Variants in CFTR observed in about 807,000 individuals in gnomAD.
CFTR encodes CF transmembrane conductance regulator.
A neutral mutation model predicts 171.6 loss-of-function variants in CFTR; 181 were observed. That is an observed-to-expected ratio of 1.05 (90% CI 0.93 to 1.19). CFTR has a LOEUF of 1.19. Ranked by LOEUF, CFTR falls within the 50% of genes most tolerant of loss-of-function variation. The pLI, the probability that CFTR is intolerant of heterozygous loss-of-function variation, is 0.00. For synonymous variants in CFTR, 583 were observed against 608.0 expected, an observed-to-expected ratio of 0.96 and a Z score of 0.60; for missense variants, 1,968 against 1,734.7, an observed-to-expected ratio of 1.13 and a Z score of -2.39.
At chr7:117,560,112 A>G (rs1799437750) in intron 11 of CFTR, among the ~76,000 whole-genome samples, 1 of 152,160 alleles carries the variant, frequency 6.6e-6, no homozygotes, top group South Asian at 2.1e-4. Context: ...CTGCCAGCAG[A>G]GAATTAGAGG....
At chr7:117,645,297 A>G (rs10244810) in intron 23 of CFTR, among the ~76,000 whole-genome samples, 10,764 of 152,264 alleles carry the variant, frequency 0.071, 597 homozygotes, top group African/African-American at 0.15. Flanking sequence ...TACATAAAAG[A>G]TATACATAGC....
chr7:117,638,687 G>C (rs1792866177), intron 22 of CFTR, among the ~76,000 whole-genome samples: 1 of 151,728 alleles, frequency 6.6e-6, no homozygotes. Context: ...AGTGAGCTGA[G>C]ATCGCGCCAC....
chr7:117,641,438 C>T (rs1792910642), intron 22 of CFTR, among the ~76,000 whole-genome samples: 1 of 152,124 alleles, frequency 6.6e-6, no homozygotes, highest in Admixed American at 6.6e-5. Context: ...AACTGTCCTT[C>T]ACTACAGATT....
In CFTR at chr7:117,667,001, A is replaced by G. The variant is rs985995406; in HGVS notation, c.4336A>G (p.Arg1446Gly). 6.2e-7 allele frequency: 1 copy of G among 1,613,964 alleles called. No homozygotes were observed. Among genetic ancestry groups the G allele is most frequent in the Non-Finnish European group, 8.5e-7 (1 of 1,179,960 alleles). The change falls in exon 27 of 27, where the codon AGG becomes GGG. Residue 1446 changes from arginine to glycine, a missense_variant. Arg to Gly is a moderately radical substitution (Grantham distance 125, BLOSUM62 -2). Transcript: ENST00000003084. Reference protein sequence around the residue: ...LFRQAISPSDRVKLFPHRNSS... With the variant: ...LFRQAISPSDGVKLFPHRNSS... ...CCGGCAAGCCATCAGCCCCTCCGACAGGGTGAAGCTCTTTCCCCACCGGAA... is the reference window on the plus strand; with the variant it reads ...CCGGCAAGCCATCAGCCCCTCCGACGGGGTGAAGCTCTTTCCCCACCGGAA...
At chr7:117,582,079 A>T (rs1296088283) in intron 11 of CFTR, among the ~76,000 whole-genome samples, 2 of 152,188 alleles carry the variant, frequency 1.3e-5, no homozygotes, top group African/African-American at 2.4e-5. Context: ...GAATTAAAAA[A>T]AATTCCACTT....
At chr7:117,541,786 G>T (rs1304969274) in intron 8 of CFTR, among the ~76,000 whole-genome samples, 1 of 152,054 alleles carries the variant, frequency 6.6e-6, no homozygotes, top group African/African-American at 2.4e-5. Flanking sequence ...TGTATAAAAA[G>T]TTTTATAAAA....
At chr7:117,666,596 T>TA (rs1019867304) in intron 26 of CFTR, among the ~76,000 whole-genome samples, 2 of 152,198 alleles carry the variant, frequency 1.3e-5, no homozygotes, top group Admixed American at 6.5e-5. Context: ...GCTGTAGACT[T>TA]ACGCTCATTT....
At chr7:117,545,715 C>T (rs929659850) in intron 9 of CFTR, among the ~76,000 whole-genome samples, 1 of 152,080 alleles carries the variant, frequency 6.6e-6, no homozygotes, top group Admixed American at 6.5e-5. Context: ...AGCATGGTTA[C>T]ACAACTAGCT....
At chr7:117,594,226 C>T (rs1363643377) in intron 14 of CFTR, among the ~76,000 whole-genome samples, 1 of 152,198 alleles carries the variant, frequency 6.6e-6, no homozygotes, top group Non-Finnish European at 1.5e-5. Flanking sequence ...AACCAGTGCA[C>T]TATATCCCAA....
intron 9 of CFTR, among the ~76,000 whole-genome samples, chr7:117,543,886 C>T (rs1298448762): frequency 6.6e-6 from 1 of 152,160 alleles, no homozygotes; most frequent in Non-Finnish European, 1.5e-5. Flanking sequence ...TTTGTAGTGA[C>T]TTCTTTAAAA....
At chr7:117,620,408 C>A (rs375746895) in intron 21 of CFTR, among the ~76,000 whole-genome samples, 5 of 152,176 alleles carry the variant, frequency 3.3e-5, no homozygotes, top group African/African-American at 1.2e-4. Flanking sequence ...TGAAAAATTT[C>A]AACTCTTGAT....
chr7:117,566,176 G>C (rs913845864), intron 11 of CFTR, among the ~76,000 whole-genome samples: 9 of 151,858 alleles, frequency 5.9e-5, no homozygotes, highest in African/African-American at 2.2e-4. Context: ...TCTCATGCCT[G>C]TAATAATAGC....
At chr7:117,580,002 A>C (rs1301803297) in intron 11 of CFTR, among the ~76,000 whole-genome samples, 1 of 151,962 alleles carries the variant, frequency 6.6e-6, no homozygotes, top group Non-Finnish European at 1.5e-5. Context: ...GTTGGGTAGT[A>C]CTTTTCAACA....
intron 18 of CFTR, among the ~76,000 whole-genome samples, chr7:117,608,408 T>C (rs1162415288): frequency 2.6e-5 from 4 of 152,276 alleles, no homozygotes; most frequent in Middle Eastern, 3.4e-3. Context: ...TTTCACCACG[T>C]TGGCCAGGCT....
intron 12 of CFTR, among the ~76,000 whole-genome samples, chr7:117,589,368 G>A (rs918141440): frequency 6.6e-6 from 1 of 151,800 alleles, no homozygotes; most frequent in African/African-American, 2.4e-5. Context: ...TTTTAAATTG[G>A]CTTTAAAAAT....
At chr7:117,635,297 C>T (rs1199325154) in intron 22 of CFTR, among the ~76,000 whole-genome samples, 1 of 152,036 alleles carries the variant, frequency 6.6e-6, no homozygotes, top group African/African-American at 2.4e-5. Flanking sequence ...ACTTAACTTT[C>T]TTTATCCCCC....
Position 117,486,240 on chromosome 7 carries a change from C to A in CFTR, c.53+6093C>A, listed in dbSNP as rs568088248. On this transcript the variant is annotated intron_variant, in intron 1 of 26. Transcript: ENST00000003084. ...AGCCAGAAAACTCTCCCATAGCTTG[C>A]TCCAAGGAGCTGAGATACAGCAGTA... Among the ~76,000 whole-genome samples the A allele has an allele frequency of 3.3e-5, 5 of 152,296 alleles. No individual in the cohort carries two copies. The South Asian group carries it at 1.0e-3, about 32-fold the overall frequency.
At chr7:117,491,675 C>T (rs922593291) in intron 1 of CFTR, among the ~76,000 whole-genome samples, 6 of 151,972 alleles carry the variant, frequency 3.9e-5, no homozygotes, top group Non-Finnish European at 8.8e-5. Context: ...TGTGTCCAAA[C>T]TTCTTTACTA....
At chr7:117,552,155 G>A (rs908060638) in intron 10 of CFTR, among the ~76,000 whole-genome samples, 1 of 151,364 alleles carries the variant, frequency 6.6e-6, no homozygotes, top group Non-Finnish European at 1.5e-5. Context: ...TAGAGATTAG[G>A]TCTTACTCTG....
Sources: gnomAD v4.1 joint callset for allele counts (sites outside exome capture counted in the v4.1 genomes callset) on GRCh38, gnomAD v4.1.1 for gene constraint, MANE v1.5 for transcripts, NCBI Gene and HGNC (gene_info 2026-07-23, HGNC 2026-07-21) for gene names.